Variants in BMAL2 observed in about 807,000 individuals in gnomAD.
BMAL2 encodes the protein basic helix-loop-helix ARNT-like protein 2.
the BMAL2 span, chr12:27,421,167 A>G: frequency 2.0e-5 from 3 of 152,230 alleles, no homozygotes; most frequent in African/African-American, 4.8e-5. Flanking sequence ...TAAAACTCAG[A>G]AAGTCAAAAG....
chr12:27,355,610 C>T, the BMAL2 span, among the ~76,000 whole-genome samples: 3 of 152,160 alleles, frequency 2.0e-5, no homozygotes, highest in Non-Finnish European at 2.9e-5. Context: ...TACATACTTC[C>T]CTGGGAAGTT....
the BMAL2 span, among the ~76,000 whole-genome samples, chr12:27,339,722 T>G: frequency 6.6e-6 from 1 of 152,086 alleles, no homozygotes; most frequent in Non-Finnish European, 1.5e-5. Context: ...CCTCCCGGGT[T>G]CATGCCATTC....
At chr12:27,416,357 A>G in the BMAL2 span, among the ~76,000 whole-genome samples, 1 of 152,184 alleles carries the variant, frequency 6.6e-6, no homozygotes, top group Non-Finnish European at 1.5e-5. Context: ...ATATTGTAAT[A>G]GGTTCCAATT....
the BMAL2 span, among the ~76,000 whole-genome samples, chr12:27,372,672 T>A: frequency 6.6e-6 from 1 of 152,100 alleles, no homozygotes; most frequent in Non-Finnish European, 1.5e-5. Flanking sequence ...ATTATTATTT[T>A]TTTTTATTTT....
At chr12:27,371,898 C>T in the BMAL2 span, among the ~76,000 whole-genome samples, 1 of 152,200 alleles carries the variant, frequency 6.6e-6, no homozygotes, top group African/African-American at 2.4e-5. Context: ...TCCCATTCTC[C>T]TCTCTCCTGA....
At chr12:27,400,633 A>G in the BMAL2 span, 79,204 of 1,613,832 alleles carry the variant, frequency 0.049, 2,294 homozygotes, top group South Asian at 0.081. Flanking sequence ...AAGAAAGACA[A>G]CAGTAATTTT....
chr12:27,384,285 C>T, the BMAL2 span, among the ~76,000 whole-genome samples: 9 of 152,182 alleles, frequency 5.9e-5, no homozygotes, highest in Non-Finnish European at 1.3e-4. Context: ...AATTCCTCAT[C>T]ATTTTGCAAG....
At chr12:27,377,885 AG>A in the BMAL2 span, among the ~76,000 whole-genome samples, 1 of 152,160 alleles carries the variant, frequency 6.6e-6, no homozygotes, top group Non-Finnish European at 1.5e-5. Context: ...GTCATTGCCG[AG>A]GGTGAATGGT....
chr12:27,388,152 A>G, the BMAL2 span, among the ~76,000 whole-genome samples: 4 of 152,030 alleles, frequency 2.6e-5, no homozygotes, highest in African/African-American at 9.7e-5. Flanking sequence ...GTACCACTTA[A>G]GTTTCAAGTT....
the BMAL2 span, among the ~76,000 whole-genome samples, chr12:27,347,258 G>A: frequency 6.6e-6 from 1 of 152,088 alleles, no homozygotes; most frequent in African/African-American, 2.4e-5. Flanking sequence ...GCTATTTTAT[G>A]TACATCAAAA....
the BMAL2 span, chr12:27,390,175 G>T: frequency 1.2e-5 from 20 of 1,613,900 alleles, no homozygotes; most frequent in Non-Finnish European, 1.7e-5. Flanking sequence ...TTTTCTGTCG[G>T]ATAAAGAGTT....
At chr12:27,381,430 T>G in the BMAL2 span, among the ~76,000 whole-genome samples, 1 of 152,072 alleles carries the variant, frequency 6.6e-6, no homozygotes, top group African/African-American at 2.4e-5. Flanking sequence ...GAGCTTTCAC[T>G]CATGGCAGAA....
chr12:27,368,040 G>T, the BMAL2 span, among the ~76,000 whole-genome samples: 1 of 151,632 alleles, frequency 6.6e-6, no homozygotes, highest in Admixed American at 6.6e-5. Flanking sequence ...ATGGGGTTTT[G>T]CTGTGTTGGC....
At chr12:27,410,444 A>C in the BMAL2 span, among the ~76,000 whole-genome samples, 1 of 152,234 alleles carries the variant, frequency 6.6e-6, no homozygotes, top group Non-Finnish European at 1.5e-5. Context: ...TGTCCTTTGT[A>C]GGGACATGGA....
At chr12:27,361,482 A>G in the BMAL2 span, among the ~76,000 whole-genome samples, 1 of 152,160 alleles carries the variant, frequency 6.6e-6, no homozygotes, top group African/African-American at 2.4e-5. Context: ...TATTACATTC[A>G]CCACTGAGAA....
At chr12:27,350,994 C>CCCCCCCCTTT in the BMAL2 span, among the ~76,000 whole-genome samples, 1 of 94,276 alleles carries the variant, frequency 1.1e-5, no homozygotes, top group African/African-American at 4.3e-5. Context: ...CCCACCCCCC[C>CCCCCCCCTTT]TTTTTTTTTT....
the BMAL2 span, chr12:27,418,165 T>A: frequency 6.2e-7 from 1 of 1,613,272 alleles, no homozygotes; most frequent in Non-Finnish European, 8.5e-7. Flanking sequence ...ACCAGAGTAC[T>A]GTTGCTGTCC....
chr12:27,418,564 C>T, the BMAL2 span, among the ~76,000 whole-genome samples: 4 of 151,870 alleles, frequency 2.6e-5, no homozygotes, highest in South Asian at 8.3e-4. Context: ...GTAATTGTAC[C>T]ACTGCACTCC....
the BMAL2 span, among the ~76,000 whole-genome samples, chr12:27,380,854 T>C: frequency 6.6e-6 from 1 of 151,770 alleles, no homozygotes; most frequent in Non-Finnish European, 1.5e-5. Flanking sequence ...AGTGTGGTCT[T>C]GCGTGCTTGT....
Sources: allele counts gnomAD v4.1 joint callset (sites outside exome capture counted in the v4.1 genomes callset), GRCh38; gene constraint gnomAD v4.1.1; transcripts MANE v1.5; gene names NCBI Gene and HGNC (gene_info 2026-07-23, HGNC 2026-07-21).